The following TMCO6 variants were observed in gnomAD, a reference collection of about 807,000 sequenced individuals.
The protein encoded by TMCO6 is transmembrane and coiled-coil domain-containing protein 6.
A neutral mutation model predicts 61.8 loss-of-function variants in TMCO6; 47 were observed. The ratio of observed to expected loss-of-function variants is 0.76; its 90% confidence interval spans 0.60 to 0.97. The LOEUF is 0.97. TMCO6 is among the 50% of genes least tolerant of loss of function. The probability of loss-of-function intolerance (pLI) is 0.00; values close to 1 mark genes in which losing one functional copy is unlikely to be tolerated. For missense variants in TMCO6, 557 were observed against 601.6 expected (o/e 0.93, Z 0.78); for synonymous variants, 261 against 254.2 (o/e 1.03, Z -0.25).
the TMCO6 span, among the ~76,000 whole-genome samples, chr5:140,597,002 A>G: frequency 6.6e-6 from 1 of 152,370 alleles, no homozygotes; most frequent in Non-Finnish European, 1.5e-5. Flanking sequence ...ACTCATTAGC[A>G]TAACAGGCTC....
At position 140,642,686 on chromosome 5, in the gene TMCO6, C is replaced by T; in HGVS notation, c.689+15C>T. The T allele has an allele frequency of 6.2e-7, 1 of 1,613,928 alleles. No individual in the cohort carries two copies. Among genetic ancestry groups the T allele is most frequent in the Non-Finnish European group, 8.5e-7 (1 of 1,179,958 alleles). ...AAGATCATTCCGTGAGTAAAATTGT[C>T]TTTAGATGTGCAGCCAGAGGTGACC... is the stretch of plus-strand genomic sequence containing the variant. On this transcript the variant is annotated intron_variant, in intron 6 of 11. Transcript: ENST00000394671.
chr5:140,639,975 A>T, intron 2 of TMCO6, 124 bp downstream of exon 2: 1 of 769,380 alleles, frequency 1.3e-6, no homozygotes, highest in Non-Finnish European at 2.2e-6. Context: ...CCAGTGGGTC[A>T]AGCCAGAAAC....
At chr5:140,604,581 G>C in the TMCO6 span, among the ~76,000 whole-genome samples, 32 of 151,828 alleles carry the variant, frequency 2.1e-4, no homozygotes, top group African/African-American at 7.7e-4. Context: ...TCTCTATGAA[G>C]TCCAATTTAT....
At position 140,642,655 on chromosome 5, in the gene TMCO6, C is replaced by A; in HGVS notation, c.673C>A (p.Pro225Thr). ...CCAGCTTCTACAGGCTGAGGAAGCT[C>A]CAGAGAAGATCATTCCGTGAGTAAA... Reference protein sequence around the residue: ...LSQLLQAEEAPEKIIPSILAS... With the variant: ...LSQLLQAEEATEKIIPSILAS... The change falls in exon 6 of 12, where the codon CCA (proline) becomes ACA (threonine). Residue 225 changes from proline to threonine, a missense_variant. Transcript: ENST00000394671. 1 of 1,614,166 alleles carries A rather than the reference C, an allele frequency of 6.2e-7. No homozygotes were observed. Among genetic ancestry groups the A allele is most frequent in the Non-Finnish European group, 8.5e-7 (1 of 1,180,040 alleles).
Position 140,639,632 on chromosome 5 carries a change from C to G in TMCO6, c.85+20C>G. ...AGGCAGGTGTGGGCGGCCGAGGGAG[C>G]GCGGGGGTATATGGCGGTCGGGGAT... is the stretch of plus-strand genomic sequence containing the variant. On this transcript the variant is annotated intron_variant, in intron 1 of 11. Transcript: ENST00000394671. 5 of 1,539,342 alleles carry G rather than the reference C, an allele frequency of 3.2e-6. No homozygotes were observed. The highest frequency in any genetic ancestry group is 1.2e-5 in the South Asian group (1 of 82,626).
chr5:140,639,411 C>G, upstream of TMCO6: 1 of 1,079,938 alleles, frequency 9.3e-7, no homozygotes, highest in Admixed American at 2.3e-5. Flanking sequence ...CCCCGCTCCT[C>G]GCGCCCTCCC....
chr5:140,643,481 GCCA>G (rs1757177633), intron 7 of TMCO6, 80 bp from the exon 8 acceptor site: 2 of 1,315,196 alleles, frequency 1.5e-6, no homozygotes, highest in African/African-American at 2.9e-5. Context: ...ACAGGCATAA[GCCA>G]CCACGCCTAG....
chr5:140,647,209 C>A, downstream of TMCO6: 2 of 1,517,090 alleles, frequency 1.3e-6, no homozygotes, highest in South Asian at 2.7e-5. Flanking sequence ...CTTCTCAAAC[C>A]CTTGTTCCCC....
At chr5:140,606,471 A>G in the TMCO6 span, among the ~76,000 whole-genome samples, 1 of 151,802 alleles carries the variant, frequency 6.6e-6, no homozygotes, top group East Asian at 1.9e-4. Context: ...GGTTTTACCG[A>G]TTTTCTATTT....
chr5:140,631,793 G>C, the TMCO6 span: 1 of 1,447,914 alleles, frequency 6.9e-7, no homozygotes, highest in African/African-American at 1.4e-5. Flanking sequence ...AGTCCTCAAC[G>C]TCCTGACGGG....
At chr5:140,626,963 G>A in the TMCO6 span, among the ~76,000 whole-genome samples, 2 of 152,084 alleles carry the variant, frequency 1.3e-5, no homozygotes, top group Non-Finnish European at 2.9e-5. Context: ...TAGCCAGTAT[G>A]TCCACAGACA....
chr5:140,606,877 TG>T, the TMCO6 span, among the ~76,000 whole-genome samples: 1 of 152,074 alleles, frequency 6.6e-6, no homozygotes, highest in Non-Finnish European at 1.5e-5. Context: ...GACCTTCCAG[TG>T]GGACAAGATG....
upstream of TMCO6, chr5:140,639,423 G>T: frequency 8.2e-7 from 1 of 1,221,414 alleles, no homozygotes; most frequent in Non-Finnish European, 1.2e-6. Context: ...CGCCCTCCCC[G>T]CCTGTTCCCG....
the TMCO6 span, among the ~76,000 whole-genome samples, chr5:140,627,965 G>C: frequency 5.3e-5 from 8 of 151,842 alleles, 1 homozygote; most frequent in Middle Eastern, 6.8e-3. Flanking sequence ...CAGAGAAAGG[G>C]AGCAGATATT....
At chr5:140,638,565 C>T (rs78267484), upstream of TMCO6, among the ~76,000 whole-genome samples, 975 of 89,204 alleles carry the variant, frequency 0.011, 10 homozygotes, top group African/African-American at 0.021. Context: ...TTCTTTCTTT[C>T]TTTTTTTTTT....
At position 140,643,834 on chromosome 5, in the gene TMCO6, G is replaced by C; in HGVS notation, c.973G>C (p.Glu325Gln). Residue 325 changes from glutamate to glutamine, a missense_variant, in exon 9 of 12, where the codon GAG (glutamate) becomes CAG (glutamine). Glu to Gln is a conservative substitution (Grantham distance 29). Transcript: ENST00000394671. ...CAACCTGCTAACTGAGGCAGCAGTG[G>C]AGACTGTGGGAGGGCAAATGCAGCT... ...LSNLLTEAAV[E>Q]TVGGQMQLRD... 1.2e-6 allele frequency: 2 copies of C among 1,614,242 alleles called. No homozygotes were observed. The highest frequency in any genetic ancestry group is 1.7e-6 in the Non-Finnish European group (2 of 1,180,052).
Position 140,644,555 on chromosome 5 carries a change from A to G in TMCO6, c.1201-18A>G, listed in dbSNP as rs754423575. 3.1e-6 allele frequency: 5 copies of G among 1,613,406 alleles called. No homozygotes were observed. The highest frequency in any genetic ancestry group is 4.5e-5 in the East Asian group (2 of 44,868). On this transcript the variant is annotated intron_variant, in intron 10 of 11. Coordinates refer to ENST00000394671, the MANE Select transcript of TMCO6 (RefSeq NM_018502.5). ...TTGTGTTTCATTCTTTGTAGACTAT[A>G]TATGTGTCTATCTGCAGGTGCTCAC...
chr5:140,643,832 T>C lies in TMCO6; in HGVS notation c.971T>C (p.Val324Ala), dbSNP rs1479958166. Reference sequence around the variant, plus strand: ...AGCAACCTGCTAACTGAGGCAGCAGTGGAGACTGTGGGAGGGCAAATGCAG... The same window carrying C: ...AGCAACCTGCTAACTGAGGCAGCAGCGGAGACTGTGGGAGGGCAAATGCAG... ...CLSNLLTEAAVETVGGQMQLR... is the reference protein window; with the variant it reads ...CLSNLLTEAAAETVGGQMQLR... Residue 324 changes from valine to alanine, a missense_variant, in exon 9 of 12, where the codon GTG (valine) becomes GCG (alanine). Physicochemically the swap from Val to Ala is moderately conservative, Grantham distance 64. Coordinates refer to ENST00000394671, the MANE Select transcript of TMCO6 (RefSeq NM_018502.5). 1.2e-6 allele frequency: 2 copies of C among 1,614,240 alleles called. No individual in the cohort carries two copies. The highest frequency in any genetic ancestry group is 2.2e-5 in the East Asian group (1 of 44,884).
upstream of TMCO6, among the ~76,000 whole-genome samples, chr5:140,634,639 C>T (rs1756723174): frequency 6.6e-6 from 1 of 151,982 alleles, no homozygotes; most frequent in Non-Finnish European, 1.5e-5. Flanking sequence ...GAGCCCACCA[C>T]CATGCCCGGC....
Sources: gnomAD v4.1 joint callset for allele counts (sites outside exome capture counted in the v4.1 genomes callset) on GRCh38, gnomAD v4.1.1 for gene constraint, MANE v1.5 for transcripts, NCBI Gene and HGNC (gene_info 2026-07-23, HGNC 2026-07-21) for gene names.